RGS10: variants seen among roughly 807,000 people sequenced by gnomAD.
The protein encoded by RGS10 is regulator of G protein signaling 10.
RGS10 carries 11 observed loss-of-function variants against 23.5 expected under a neutral mutation model. The ratio of observed to expected loss-of-function variants is 0.47; its 90% CI spans 0.29 to 0.77. The LOEUF (loss-of-function observed/expected upper bound fraction) is 0.77, where lower values mean the gene tolerates loss of function less well. Among genes scored for constraint, RGS10 ranks in the 30% least tolerant of loss-of-function variants. RGS10 has a pLI of 0.08. For missense variants in RGS10, 180 were observed against 226.3 expected, an observed-to-expected ratio of 0.80 and a Z score of 1.31; for synonymous variants, 77 against 83.2, an observed-to-expected ratio of 0.92 and a Z score of 0.41.
chr10:119,536,790 T>C (rs1844392923), intron 1 of RGS10, among the ~76,000 whole-genome samples: 1 of 152,104 alleles, frequency 6.6e-6, no homozygotes, highest in Non-Finnish European at 1.5e-5. Flanking sequence ...TCATCGATTT[T>C]CTCCACTTCC....
chr10:119,500,393 A>C, intron 4 of RGS10, 134 bp from the exon 5 acceptor site: 31 of 812,734 alleles, frequency 3.8e-5, no homozygotes, highest in Non-Finnish European at 4.8e-5. Flanking sequence ...AAGAAAGCTC[A>C]AATAAGTCAT....
At chr10:119,504,701 G>A (rs1843990275) in intron 4 of RGS10, among the ~76,000 whole-genome samples, 1 of 152,112 alleles carries the variant, frequency 6.6e-6, no homozygotes, top group South Asian at 2.1e-4. Flanking sequence ...AGAAGAGGAG[G>A]GGACACACTG....
intron 4 of RGS10, among the ~76,000 whole-genome samples, chr10:119,509,094 C>T (rs534144234): frequency 6.6e-6 from 1 of 151,926 alleles, no homozygotes; most frequent in African/African-American, 2.4e-5. Flanking sequence ...GAGGGAGACC[C>T]AGTATAAAAA....
rs1026351503 is a variant in RGS10, at chr10:119,524,950, A to G, written c.255+1082T>C. Among the ~76,000 whole-genome samples, 1 of 152,202 alleles carries G rather than the reference A, an allele frequency of 6.6e-6. No homozygotes were observed. The highest frequency in any genetic ancestry group is 1.5e-5 in the Non-Finnish European group (1 of 68,040). ...ATACATTTTCCAAGCAGTTGTCTGC[A>G]AACGCTTCACGGCTTCTGGCCCATA... On this transcript the variant is annotated intron_variant, in intron 3 of 4. Transcript: ENST00000369103. This position sits in a 1 kb window ranked among gnomAD's most constrained non-coding sequence, Gnocchi z 5.2.
At chr10:119,522,483 CCGAGG>C (rs1589838850) in intron 3 of RGS10, among the ~76,000 whole-genome samples, 1 of 152,156 alleles carries the variant, frequency 6.6e-6, no homozygotes, top group African/African-American at 2.4e-5. Context: ...CTTTGAAAGG[CCGAGG>C]CGGGTGGATC....
At chr10:119,523,858 A>G (rs565075082) in intron 3 of RGS10, among the ~76,000 whole-genome samples, 2 of 152,288 alleles carry the variant, frequency 1.3e-5, no homozygotes, top group African/African-American at 4.8e-5. Flanking sequence ...AAAGTCCTAC[A>G]GGGGCTTTCC....
chr10:119,518,552 C>T (rs748410525), intron 3 of RGS10, among the ~76,000 whole-genome samples: 6 of 151,916 alleles, frequency 3.9e-5, no homozygotes, highest in Admixed American at 6.6e-5. Flanking sequence ...TCTATGCAGA[C>T]GAACAGCAAA....
chr10:119,530,748 C>T (rs1390697185), intron 1 of RGS10, among the ~76,000 whole-genome samples: 1 of 152,150 alleles, frequency 6.6e-6, no homozygotes, highest in Non-Finnish European at 1.5e-5. Flanking sequence ...TAGCTTGAGC[C>T]CAGGAGTTCA....
At chr10:119,504,773 G>A (rs932795823) in intron 4 of RGS10, among the ~76,000 whole-genome samples, 3 of 152,234 alleles carry the variant, frequency 2.0e-5, no homozygotes, top group Middle Eastern at 3.4e-3. Context: ...GCCAAGGAGC[G>A]CTAAGGAGTG....
intron 4 of RGS10, among the ~76,000 whole-genome samples, chr10:119,500,743 T>C (rs1843943120): frequency 6.6e-6 from 1 of 150,386 alleles, no homozygotes; most frequent in East Asian, 1.9e-4. Context: ...ACAAACCTAT[T>C]ATTGTACCAG....
At chr10:119,537,255 G>A (rs747213413) in intron 1 of RGS10, among the ~76,000 whole-genome samples, 9 of 152,056 alleles carry the variant, frequency 5.9e-5, no homozygotes, top group Non-Finnish European at 1.2e-4. Context: ...GGTGGTGCAT[G>A]CGTGTAATCC....
rs535782645 is a variant in RGS10 at position 119,542,679 on chromosome 10, G to A, written c.-41C>T. ...AGGAGGAAGAAGGAGCAGCCCGGCG[G>A]CGCGGCGGCTGAGCCGGAGGAAGGC... On this transcript the variant is annotated 5_prime_UTR_variant, in exon 1 of 5. Transcript: ENST00000369103. 33 of 1,336,416 alleles carry A rather than the reference G, an allele frequency of 2.5e-5. No homozygotes were observed. In the East Asian group the frequency reaches 9.7e-4, roughly 39 times the overall value. The allele number at this position is 1,336,416 out of a possible 1,614,324, so 82.8% of individuals were successfully genotyped here.
Position 119,527,275 on chromosome 10 carries a change from T to A in RGS10, c.168+31A>T. Reference sequence around the variant, plus strand: ...CATCTGAACTTCTGCACACACTGCATCCATCCCGATTAACAATGAAAAAGA... The same window carrying A: ...CATCTGAACTTCTGCACACACTGCAACCATCCCGATTAACAATGAAAAAGA... On this transcript the variant is annotated intron_variant, in intron 2 of 4. Coordinates refer to ENST00000369103, the MANE Select transcript of RGS10 (RefSeq NM_001005339.2). This position sits in a 1 kb window ranked among gnomAD's most constrained non-coding sequence, Gnocchi z 4.2. 1 of 1,509,492 alleles carries A rather than the reference T, an allele frequency of 6.6e-7. No homozygotes were observed. Among genetic ancestry groups the A allele is most frequent in the Non-Finnish European group, 9.2e-7 (1 of 1,086,712 alleles). The allele number at this position is 1,509,492 out of a possible 1,614,324, so 93.5% of individuals were successfully genotyped here.
chr10:119,536,784 C>T (rs1422651117), intron 1 of RGS10, among the ~76,000 whole-genome samples: 2 of 152,104 alleles, frequency 1.3e-5, no homozygotes, highest in Admixed American at 6.5e-5. Context: ...ACCCTGTCAT[C>T]GATTTTCTCC....
At chr10:119,535,218 A>G (rs566147017) in intron 1 of RGS10, among the ~76,000 whole-genome samples, 8 of 151,944 alleles carry the variant, frequency 5.3e-5, no homozygotes, top group African/African-American at 1.9e-4. Flanking sequence ...GAGACCAAGA[A>G]CAATCACACT....
At chr10:119,510,939 C>T (rs1319158399) in intron 4 of RGS10, among the ~76,000 whole-genome samples, 1 of 152,104 alleles carries the variant, frequency 6.6e-6, no homozygotes, top group East Asian at 1.9e-4. Context: ...AGGATGGTCT[C>T]GATCTCCTGA....
chr10:119,503,786 G>A (rs151204373), intron 4 of RGS10, among the ~76,000 whole-genome samples: 2,115 of 152,250 alleles, frequency 0.014, 41 homozygotes, highest in African/African-American at 0.049. Flanking sequence ...GGGTCTCCCC[G>A]GTGCACGTGT....
intron 1 of RGS10, among the ~76,000 whole-genome samples, chr10:119,537,366 G>C (rs1844399228): frequency 7.0e-6 from 1 of 142,020 alleles, no homozygotes; most frequent in Admixed American, 7.3e-5. Flanking sequence ...TGGGCAACAA[G>C]AGTGAAACTC....
intron 4 of RGS10, among the ~76,000 whole-genome samples, chr10:119,503,253 C>T (rs941129483): frequency 2.6e-5 from 4 of 151,482 alleles, no homozygotes; most frequent in African/African-American, 9.7e-5. Flanking sequence ...GTGGGAGGAT[C>T]ACCTAAGCCC....
Sources: gnomAD v4.1 joint callset for allele counts (sites outside exome capture counted in the v4.1 genomes callset) on GRCh38, gnomAD v4.1.1 for gene constraint, Gnocchi (gnomAD v3.1) non-coding constraint, MANE v1.5 for transcripts, NCBI Gene and HGNC (gene_info 2026-07-23, HGNC 2026-07-21) for gene names.